The following ZHX3 variants were observed in gnomAD, a reference collection of about 807,000 sequenced individuals.
ZHX3 encodes the protein zinc fingers and homeoboxes protein 3.
A neutral mutation model predicts 64.5 loss-of-function variants in ZHX3; 20 were observed. The observed-to-expected ratio is 0.31, with a 90% CI of 0.22 to 0.45. The LOEUF (loss-of-function observed/expected upper bound fraction) is 0.45, where lower values mean the gene tolerates loss of function less well. Among genes scored for constraint, ZHX3 ranks in the 20% least tolerant of loss-of-function variants. The pLI is 1.00. For synonymous variants in ZHX3, 423 were observed against 461.6 expected (o/e 0.92, Z 1.07); for missense variants, 1,041 against 1,195.8 (o/e 0.87, Z 1.91).
At chr20:41,258,737 G>C (rs1163174073) in intron 2 of ZHX3, among the ~76,000 whole-genome samples, 5 of 152,108 alleles carry the variant, frequency 3.3e-5, no homozygotes, top group Non-Finnish European at 7.4e-5. Flanking sequence ...TCTTGGTTAA[G>C]GTGGTTTCTG....
chr20:41,192,353 C>G (rs1406810418), intron 3 of ZHX3, among the ~76,000 whole-genome samples: 1 of 152,212 alleles, frequency 6.6e-6, no homozygotes, highest in Non-Finnish European at 1.5e-5. Flanking sequence ...TTCAGGCTCC[C>G]TATGATGTGT....
intron 1 of ZHX3, among the ~76,000 whole-genome samples, chr20:41,315,947 A>G (rs936146942): frequency 2.0e-5 from 3 of 151,922 alleles, no homozygotes; most frequent in Admixed American, 6.5e-5. Context: ...TTTTAATGTT[A>G]TCTTTAAAAA....
intron 1 of ZHX3, among the ~76,000 whole-genome samples, chr20:41,304,648 G>A (rs2146820311): frequency 6.6e-6 from 1 of 152,268 alleles, no homozygotes; most frequent in Non-Finnish European, 1.5e-5. Context: ...TTAAGAACTG[G>A]CTCACGCAAT....
intron 1 of ZHX3, among the ~76,000 whole-genome samples, chr20:41,313,885 C>G (rs911915219): frequency 2.6e-5 from 4 of 152,128 alleles, no homozygotes; most frequent in Non-Finnish European, 5.9e-5. Flanking sequence ...CATGAGCCAC[C>G]ACGCCCAGCC....
rs753613673 is a variant in ZHX3, at chr20:41,204,131, T to G, written c.786A>C (p.Pro262=). The change falls in exon 3 of 4, where the codon CCA becomes CCC. Residue 262 remains proline (P), a synonymous_variant. Coordinates refer to ENST00000683867, the MANE Select transcript of ZHX3 (RefSeq NM_001384317.1). This position sits in a 1 kb window ranked among gnomAD's most constrained non-coding sequence, Gnocchi z 6.6. The stretch of plus-strand genomic sequence containing the variant: ...ACTGTGCTATGCCAGCTGGCAAAAC[T>G]GGCACTGTTCCTATCAGGGGCCCGT... ...AANGPLIGTV[P]VLPAGIAQFL... The G allele has an allele frequency of 1.2e-6, 2 of 1,605,982 alleles. No individual in the cohort carries two copies. Among genetic ancestry groups the G allele is most frequent in the Admixed American group, 3.4e-5 (2 of 59,418 alleles).
chr20:41,297,998 A>G (rs1476801013), intron 1 of ZHX3, among the ~76,000 whole-genome samples: 1 of 152,220 alleles, frequency 6.6e-6, no homozygotes, highest in African/African-American at 2.4e-5. Context: ...AGCTAAGGAC[A>G]GCCTTAGCTG....
intron 1 of ZHX3, among the ~76,000 whole-genome samples, chr20:41,271,022 TTTTTG>T (rs1452293710): frequency 7.2e-5 from 11 of 152,110 alleles, no homozygotes; most frequent in African/African-American, 2.7e-4. Context: ...TACAAAAGTA[TTTTTG>T]TTTTTTGTTT....
rs1329668997 is a variant in ZHX3 at position 41,179,277 on chromosome 20, T to TG, written c.*5913dup. On this transcript the variant is annotated 3_prime_UTR_variant, in exon 4 of 4. Coordinates refer to ENST00000683867, the MANE Select transcript of ZHX3 (RefSeq NM_001384317.1). The surrounding 1 kb of genome is among the most constrained non-coding windows in gnomAD (Gnocchi z 4.3). ...ACAGCGGGAACCCTCTACACAGGGG[T>TG]GACTGCTTCTCCCCTGGCCCCGACC... The TG allele has an allele frequency of 6.6e-6, 1 of 151,850 alleles. No individual in the cohort carries two copies. The highest frequency in any genetic ancestry group is 1.5e-5 in the Non-Finnish European group (1 of 67,964). 9.4% of individuals were successfully genotyped at this position (151,850 alleles called of 1,614,324 possible). A position where few individuals can be genotyped will look rare whatever the true frequency, so the allele number is the denominator to read the frequency against.
Position 41,210,841 on chromosome 20 carries a change from T to A in ZHX3, c.-150-5775A>T, listed in dbSNP as rs192908195. 5.1e-4 allele frequency among the ~76,000 whole-genome samples: 77 copies of A among 152,260 alleles called. 1 individual carries two copies. Among genetic ancestry groups the A allele is most frequent in the East Asian group, 4.8e-3 (25 of 5,190 alleles). ...GTACCCTAAAACTTAAAGTATAATT[T>A]AAAAAAGAATTATAAGTAATCTTCA... On this transcript the variant is annotated intron_variant, in intron 2 of 3. Transcript: ENST00000683867.
At chr20:41,196,366 A>T (rs1424555895) in intron 3 of ZHX3, among the ~76,000 whole-genome samples, 1 of 89,402 alleles carries the variant, frequency 1.1e-5, no homozygotes, top group East Asian at 3.3e-4. Flanking sequence ...TTATAAATAT[A>T]TATATTTATA....
At chr20:41,267,019 G>T (rs1045163531) in intron 2 of ZHX3, among the ~76,000 whole-genome samples, 2 of 150,802 alleles carry the variant, frequency 1.3e-5, no homozygotes, top group African/African-American at 4.9e-5. Flanking sequence ...AATTTTTTTT[G>T]GATTTTTAGT....
rs181103503 is a variant in ZHX3, at chr20:41,255,608, C to A, written c.-151+13382G>T. ...ATATAGAGAAACAAAGAATTCATAA[C>A]CATAACCATTTTACCAACAAGGACA... On this transcript the variant is annotated intron_variant, in intron 2 of 3. Coordinates refer to ENST00000683867, the MANE Select transcript of ZHX3 (RefSeq NM_001384317.1). 9.3e-3 allele frequency among the ~76,000 whole-genome samples: 1,423 copies of A among 152,242 alleles called. 20 individuals are homozygous for A. The highest frequency in any genetic ancestry group is 0.015 in the Non-Finnish European group (1,043 of 68,002).
chr20:41,207,810 C>A (rs1393109807), intron 2 of ZHX3, among the ~76,000 whole-genome samples: 1 of 152,160 alleles, frequency 6.6e-6, no homozygotes, highest in Non-Finnish European at 1.5e-5. Context: ...CAAACACATT[C>A]AAAAGCTAGC....
At chr20:41,302,006 A>ATC (rs1341310644) in intron 1 of ZHX3, among the ~76,000 whole-genome samples, 1 of 137,750 alleles carries the variant, frequency 7.3e-6, no homozygotes, top group African/African-American at 2.7e-5. Flanking sequence ...GTGAGCCGAG[A>ATC]CTGCGCCACT....
intron 2 of ZHX3, among the ~76,000 whole-genome samples, chr20:41,222,543 C>T (rs1268899633): frequency 6.6e-6 from 1 of 152,106 alleles, no homozygotes; most frequent in Non-Finnish European, 1.5e-5. Context: ...TTGCCAAAAG[C>T]TGCTCAAATC....
chr20:41,218,325 G>T (rs2039692653), intron 2 of ZHX3, among the ~76,000 whole-genome samples: 1 of 152,108 alleles, frequency 6.6e-6, no homozygotes, highest in Non-Finnish European at 1.5e-5. Flanking sequence ...CATGCTTGTA[G>T]TCACAGCTAA....
intron 1 of ZHX3, among the ~76,000 whole-genome samples, chr20:41,301,293 C>T (rs555461428): frequency 3.9e-5 from 6 of 152,322 alleles, no homozygotes; most frequent in African/African-American, 7.2e-5. Flanking sequence ...CTCCATACAA[C>T]AGTCTGGGTG....
At chr20:41,282,359 A>ATGTTTTTTTTT (rs1442916638) in intron 1 of ZHX3, among the ~76,000 whole-genome samples, 1 of 60,706 alleles carries the variant, frequency 1.6e-5, no homozygotes, top group Admixed American at 1.6e-4. Context: ...GACACAATTC[A>ATGTTTTTTTTT]TCTTTTTTTT....
chr20:41,257,980 A>G (rs1453567423), intron 2 of ZHX3, among the ~76,000 whole-genome samples: 1 of 144,844 alleles, frequency 6.9e-6, no homozygotes, highest in East Asian at 2.0e-4. Context: ...GCTCACTGCA[A>G]CCTCCACCTC....
Sources: gnomAD v4.1 joint callset for allele counts (sites outside exome capture counted in the v4.1 genomes callset) on GRCh38, gnomAD v4.1.1 for gene constraint, Gnocchi (gnomAD v3.1) non-coding constraint, MANE v1.5 for transcripts, NCBI Gene and HGNC (gene_info 2026-07-23, HGNC 2026-07-21) for gene names.